NTRK3: variants seen among roughly 807,000 people sequenced by gnomAD.
NTRK3 encodes neurotrophic receptor tyrosine kinase 3.
A neutral mutation model predicts 91.7 loss-of-function variants in NTRK3; 24 were observed. The observed-to-expected ratio is 0.26, with a 90% CI of 0.19 to 0.37. The LOEUF (loss-of-function observed/expected upper bound fraction) is 0.37, where lower values mean the gene tolerates loss of function less well. NTRK3 is among the 10% of genes least tolerant of loss of function. The probability of loss-of-function intolerance (pLI) is 1.00; values close to 1 mark genes in which losing one functional copy is unlikely to be tolerated. For synonymous variants in NTRK3, 483 were observed against 404.0 expected (o/e 1.20, Z -2.34); for missense variants, 880 against 1,068.9 (o/e 0.82, Z 2.46).
At chr15:88,119,256 C>A (rs1425045000) in intron 13 of NTRK3, among the ~76,000 whole-genome samples, 1 of 152,186 alleles carries the variant, frequency 6.6e-6, no homozygotes, top group Non-Finnish European at 1.5e-5. Context: ...AAGCTCCAAG[C>A]ACCACATTCT....
intron 14 of NTRK3, among the ~76,000 whole-genome samples, chr15:88,016,712 G>A (rs994796449): frequency 6.6e-6 from 1 of 152,172 alleles, no homozygotes; most frequent in African/African-American, 2.4e-5. Flanking sequence ...CGGGAAGGAT[G>A]CATTATAAAT....
intron 13 of NTRK3, among the ~76,000 whole-genome samples, chr15:88,115,938 A>C (rs2052015668): frequency 6.6e-6 from 1 of 152,088 alleles, no homozygotes; most frequent in South Asian, 2.1e-4. Context: ...ATAGCCCTCA[A>C]CATTTCATTC....
chr15:88,066,672 C>T (rs368608832), intron 13 of NTRK3, among the ~76,000 whole-genome samples: 6 of 152,166 alleles, frequency 3.9e-5, no homozygotes, highest in African/African-American at 1.2e-4. Flanking sequence ...GTCCATCACC[C>T]GCCCTGAGGA....
chr15:87,883,146 T>C (rs1428593011), intron 17 of NTRK3, among the ~76,000 whole-genome samples: 5 of 151,166 alleles, frequency 3.3e-5, no homozygotes, highest in Non-Finnish European at 5.9e-5. Context: ...CAGATATATA[T>C]AGCCAATTAC....
At chr15:88,224,789 C>G (rs1324947473) in intron 3 of NTRK3, among the ~76,000 whole-genome samples, 2 of 152,064 alleles carry the variant, frequency 1.3e-5, no homozygotes, top group African/African-American at 4.8e-5. Context: ...TTGAGGTGTC[C>G]CTGTCTTGTT....
chr15:88,220,296 G>A (rs143039227), intron 3 of NTRK3, among the ~76,000 whole-genome samples: 233 of 152,212 alleles, frequency 1.5e-3, no homozygotes, highest in Admixed American at 5.4e-3. Flanking sequence ...CTGTAGGCAC[G>A]GAGAGGGGTG....
chr15:88,062,187 G>A (rs1330150021), intron 13 of NTRK3, among the ~76,000 whole-genome samples: 9 of 152,128 alleles, frequency 5.9e-5, no homozygotes, highest in Admixed American at 4.6e-4. Context: ...TCCATCATCC[G>A]CAGAACGGGG....
chr15:88,131,316 G>A (rs572964881), intron 10 of NTRK3, among the ~76,000 whole-genome samples: 1 of 152,218 alleles, frequency 6.6e-6, no homozygotes, highest in Admixed American at 6.5e-5. Context: ...GCTCTATTAA[G>A]TATGAACCAG....
intron 13 of NTRK3, among the ~76,000 whole-genome samples, chr15:88,061,325 T>A (rs2046192496): frequency 6.6e-6 from 1 of 152,142 alleles, no homozygotes; most frequent in African/African-American, 2.4e-5. Flanking sequence ...CAAATGGAGC[T>A]CCGAGGAGGG....
chr15:87,997,421 C>T (rs766504421), intron 14 of NTRK3, among the ~76,000 whole-genome samples: 14 of 152,104 alleles, frequency 9.2e-5, no homozygotes, highest in Non-Finnish European at 1.8e-4. Flanking sequence ...TCTCAGGCAA[C>T]GAGGATGTGA....
chr15:87,910,838 T>A (rs759408323), intron 17 of NTRK3, among the ~76,000 whole-genome samples: 2 of 152,162 alleles, frequency 1.3e-5, no homozygotes, highest in Non-Finnish European at 1.5e-5. Flanking sequence ...AAATTATTAA[T>A]AATGTCATTC....
At chr15:88,216,280 T>G (rs2049759062) in intron 3 of NTRK3, among the ~76,000 whole-genome samples, 1 of 152,188 alleles carries the variant, frequency 6.6e-6, no homozygotes, top group Admixed American at 6.5e-5. Flanking sequence ...TAGGAAGGAC[T>G]GTCTCCCGAA....
chr15:87,904,175 G>A (rs1039379934), intron 17 of NTRK3, among the ~76,000 whole-genome samples: 3 of 144,154 alleles, frequency 2.1e-5, no homozygotes, highest in African/African-American at 7.8e-5. Context: ...TTTTTGAGAC[G>A]GAGTCTTGCC....
At chr15:87,904,000 C>T (rs2066603169) in intron 17 of NTRK3, among the ~76,000 whole-genome samples, 1 of 152,162 alleles carries the variant, frequency 6.6e-6, no homozygotes, top group African/African-American at 2.4e-5. Flanking sequence ...TTATGCTCTC[C>T]TTGTGTACCC....
intron 14 of NTRK3, among the ~76,000 whole-genome samples, chr15:87,980,157 G>A (rs183458849): frequency 5.9e-5 from 9 of 152,310 alleles, no homozygotes; most frequent in South Asian, 2.1e-4. Flanking sequence ...CCGAGGCCAC[G>A]TGCTGCCTCG....
At chr15:88,124,865 C>G (rs1364742712) in intron 13 of NTRK3, among the ~76,000 whole-genome samples, 1 of 152,216 alleles carries the variant, frequency 6.6e-6, no homozygotes, top group Non-Finnish European at 1.5e-5. Context: ...GTCAAAATAT[C>G]TCAGATGACT....
rs1262368258 is a variant in NTRK3 at position 87,901,172 on chromosome 15, C to A, written c.2134-20744G>T. ...GGGCTGCTCCATCTCTCTTTATAAA[C>A]AAGCCCTGCCTCTTGGCTTCTCCTT... On this transcript the variant is annotated intron_variant, in intron 17 of 18. Transcript: ENST00000394480. Among the ~76,000 whole-genome samples the A allele has an allele frequency of 4.6e-5, 7 of 152,178 alleles. No homozygotes were observed. The East Asian group carries it at 1.2e-3, about 25-fold the overall frequency.
intron 5 of NTRK3, among the ~76,000 whole-genome samples, chr15:88,181,676 C>A (rs953726052): frequency 6.6e-6 from 1 of 152,198 alleles, no homozygotes; most frequent in Admixed American, 6.5e-5. Flanking sequence ...TCATTTGGCC[C>A]ATGGAGTTGA....
At chr15:88,178,628 C>G (rs1435454136) in intron 5 of NTRK3, among the ~76,000 whole-genome samples, 4 of 152,226 alleles carry the variant, frequency 2.6e-5, no homozygotes, top group Admixed American at 6.5e-5. Flanking sequence ...GATCCCACCA[C>G]AATCAACTCT....
Sources: gnomAD v4.1 joint callset for allele counts (sites outside exome capture counted in the v4.1 genomes callset) on GRCh38, gnomAD v4.1.1 for gene constraint, MANE v1.5 for transcripts, NCBI Gene and HGNC (gene_info 2026-07-23, HGNC 2026-07-21) for gene names.